The following ADARB1 variants were observed in gnomAD, a reference collection of about 807,000 sequenced individuals.
The protein encoded by ADARB1 is double-stranded RNA-specific editase 1.
ADARB1 carries 10 observed loss-of-function variants against 52.4 expected under a neutral mutation model. That is an observed-to-expected ratio of 0.19 (90% confidence interval 0.12 to 0.32). ADARB1 has a LOEUF of 0.32. Among genes scored for constraint, ADARB1 ranks in the 10% least tolerant of loss-of-function variants. The pLI is 1.00. For synonymous variants in ADARB1, 349 were observed against 371.1 expected, an observed-to-expected ratio of 0.94 and a Z score of 0.68; for missense variants, 643 against 922.3, an observed-to-expected ratio of 0.70 and a Z score of 3.92.
rs2085841641 is a variant in ADARB1 at position 45,074,728 on chromosome 21, G to A, written c.-285G>A. 6.8e-6 allele frequency: 1 copy of A among 146,390 alleles called. No homozygotes were observed. Among genetic ancestry groups the A allele is most frequent in the Non-Finnish European group, 1.5e-5 (1 of 65,718 alleles). The allele number at this position is 146,390 out of a possible 1,614,324, so 9.1% of individuals were successfully genotyped here. ...CCAACGAGGCAGAGCGCCGCCCGGC[G>A]CGAGACTGCGGCCGAAGCGTGGGGC... On this transcript the variant is annotated 5_prime_UTR_variant, in exon 1 of 11. Transcript: ENST00000348831.
In ADARB1 at chr21:45,200,189, T is replaced by A. The variant is rs2092518988; in HGVS notation, c.1566-4366T>A. 6.6e-6 allele frequency among the ~76,000 whole-genome samples: 1 copy of A among 152,006 alleles called. No individual in the cohort carries two copies. Among genetic ancestry groups the A allele is most frequent in the South Asian group, 2.1e-4 (1 of 4,824 alleles). On this transcript the variant is annotated intron_variant, in intron 8 of 10. Transcript: ENST00000348831. The surrounding 1 kb of genome is among the most constrained non-coding windows in gnomAD (Gnocchi z 5.0). ...ACTGTTCCCCTTACACAGGACACAG[T>A]GACAGGCAGAGGGCCCAGGGCCATG... is the stretch of plus-strand genomic sequence containing the variant.
chr21:45,108,678 G>T (rs2087366947), intron 1 of ADARB1, among the ~76,000 whole-genome samples: 1 of 152,098 alleles, frequency 6.6e-6, no homozygotes, highest in African/African-American at 2.4e-5. Flanking sequence ...CACACCTAGG[G>T]CTTGTTAAAT....
chr21:45,192,893 T>C (rs952177924), intron 8 of ADARB1, among the ~76,000 whole-genome samples: 71 of 152,338 alleles, frequency 4.7e-4, no homozygotes, highest in African/African-American at 1.6e-3. Flanking sequence ...AAGAAGTAGA[T>C]AACTTGGGCT....
intron 1 of ADARB1, among the ~76,000 whole-genome samples, chr21:45,115,907 T>C (rs2087797954): frequency 6.6e-6 from 1 of 152,202 alleles, no homozygotes; most frequent in South Asian, 2.1e-4. Flanking sequence ...TGCTTGCTCA[T>C]CTTTTAAGGG....
chr21:45,110,743 T>C (rs2087496213), intron 1 of ADARB1, among the ~76,000 whole-genome samples: 1 of 152,334 alleles, frequency 6.6e-6, no homozygotes, highest in South Asian at 2.1e-4. Flanking sequence ...TTTTTACCAT[T>C]ATTTTAAAAA....
At chr21:45,116,141 C>T (rs921614093) in intron 1 of ADARB1, among the ~76,000 whole-genome samples, 1 of 152,158 alleles carries the variant, frequency 6.6e-6, no homozygotes, top group Non-Finnish European at 1.5e-5. Flanking sequence ...CTCAGTGTCC[C>T]CAGGGCGAAA....
intron 8 of ADARB1, among the ~76,000 whole-genome samples, chr21:45,202,695 G>A (rs887908864): frequency 1.3e-5 from 2 of 152,168 alleles, no homozygotes; most frequent in Non-Finnish European, 2.9e-5. Flanking sequence ...CTTCATTTCT[G>A]ACCTGTACTG....
intron 4 of ADARB1, among the ~76,000 whole-genome samples, chr21:45,178,845 G>T (rs919001071): frequency 6.6e-6 from 1 of 152,098 alleles, no homozygotes; most frequent in East Asian, 1.9e-4. Flanking sequence ...CCTCAACGGG[G>T]TGCTGAGCCC....
Position 45,209,247 on chromosome 21 carries a change from A to T in ADARB1, c.1747+4511A>T, listed in dbSNP as rs144739442. ...ACTCATTTTATCGTGCTTTTTTTTTAAAAGCCTTTCGTAATGAGTCACATA... is the reference window on the plus strand; with the variant it reads ...ACTCATTTTATCGTGCTTTTTTTTTTAAAGCCTTTCGTAATGAGTCACATA... On this transcript the variant is annotated intron_variant, in intron 9 of 10. Transcript: ENST00000348831. Among the ~76,000 whole-genome samples the T allele has an allele frequency of 1.9e-4, 29 of 151,284 alleles. No homozygotes were observed. The East Asian group carries it at 3.5e-3, about 18-fold the overall frequency.
intron 9 of ADARB1, among the ~76,000 whole-genome samples, chr21:45,219,547 G>A (rs903988994): frequency 6.6e-6 from 1 of 152,146 alleles, no homozygotes; most frequent in Non-Finnish European, 1.5e-5. Flanking sequence ...AATGTCTTGG[G>A]AGTTTAACCA....
chr21:45,158,085 C>G (rs983094749), intron 2 of ADARB1, among the ~76,000 whole-genome samples: 3 of 152,174 alleles, frequency 2.0e-5, no homozygotes, highest in Admixed American at 6.5e-5. Context: ...GGGCCAGCAG[C>G]CTGGGAGCCA....
At chr21:45,108,351 C>T (rs904058526) in intron 1 of ADARB1, among the ~76,000 whole-genome samples, 1 of 152,154 alleles carries the variant, frequency 6.6e-6, no homozygotes, top group Non-Finnish European at 1.5e-5. Context: ...GTTGCTATTT[C>T]TCATGTACGT....
intron 9 of ADARB1, among the ~76,000 whole-genome samples, chr21:45,219,989 CTTTTTTTT>C (rs10718648): frequency 2.0e-4 from 25 of 121,974 alleles, no homozygotes; most frequent in African/African-American, 6.6e-4. Flanking sequence ...TCTTGGTAGC[CTTTTTTTT>C]TTTTTTTTTT....
intron 2 of ADARB1, chr21:45,132,405 G>T (rs73230681): frequency 6.6e-6 from 1 of 152,202 alleles, no homozygotes; most frequent in African/African-American, 2.4e-5. Context: ...GCTTTTATTT[G>T]TTCTTCTACC....
Position 45,185,026 on chromosome 21 carries a change from A to G in ADARB1, c.1500A>G (p.Gln500=). 6.2e-7 allele frequency: 1 copy of G among 1,614,166 alleles called. No individual in the cohort carries two copies. The highest frequency in any genetic ancestry group is 8.5e-7 in the Non-Finnish European group (1 of 1,180,024). Residue 500 remains glutamine (Q), a synonymous_variant, in exon 8 of 11, where the codon CAA becomes CAG. Transcript: ENST00000348831. The part of the protein sequence containing the change: ...TIPVRSNASI[Q]TWDGVLQGER... ...CAGTGCGCTCCAATGCGAGCATCCAAACGTGGGACGGGGTGCTGCAAGGGG... is the reference window on the plus strand; with the variant it reads ...CAGTGCGCTCCAATGCGAGCATCCAGACGTGGGACGGGGTGCTGCAAGGGG...
intron 1 of ADARB1, 50 bp downstream of exon 1, chr21:45,074,843 C>G (rs1017621717): frequency 2.3e-4 from 34 of 148,618 alleles, no homozygotes; most frequent in Admixed American, 2.1e-3. Flanking sequence ...GGGCTCCGGA[C>G]CCCGCGGTGG....
Position 45,097,268 on chromosome 21 carries a change from C to G in ADARB1, c.-220+22475C>G, listed in dbSNP as rs532221603. On this transcript the variant is annotated intron_variant, in intron 1 of 10. Coordinates refer to ENST00000348831, the MANE Select transcript of ADARB1 (RefSeq NM_001112.4). ...GACAAAAGAGCAAATGCTGGAAAAA[C>G]TAAGCTTATGAGCTTTGGGGAAGCC... is the stretch of plus-strand genomic sequence containing the variant. Among the ~76,000 whole-genome samples, 123 of 152,262 alleles carry G rather than the reference C, an allele frequency of 8.1e-4. 1 individual carries two copies. The South Asian group carries it at 0.024, about 30-fold the overall frequency.
At chr21:45,156,623 C>G (rs1033896795) in intron 2 of ADARB1, among the ~76,000 whole-genome samples, 1 of 151,000 alleles carries the variant, frequency 6.6e-6, no homozygotes, top group African/African-American at 2.4e-5. Context: ...ACCCACTCAC[C>G]CATCACCCAT....
At chr21:45,119,490 C>T (rs957019029) in intron 1 of ADARB1, among the ~76,000 whole-genome samples, 1 of 152,180 alleles carries the variant, frequency 6.6e-6, no homozygotes, top group Non-Finnish European at 1.5e-5. Flanking sequence ...ATCAAAGAAT[C>T]GGGATGAAAT....
Sources: allele counts gnomAD v4.1 joint callset (sites outside exome capture counted in the v4.1 genomes callset), GRCh38; gene constraint gnomAD v4.1.1; non-coding constraint Gnocchi (gnomAD v3.1); transcripts MANE v1.5; gene names NCBI Gene and HGNC (gene_info 2026-07-23, HGNC 2026-07-21).